THSD7B: variants seen among roughly 807,000 people sequenced by gnomAD.
THSD7B encodes thrombospondin type-1 domain-containing protein 7B.
A neutral mutation model predicts 213.6 loss-of-function variants in THSD7B; 138 were observed. The ratio of observed to expected loss-of-function variants is 0.65; its 90% confidence interval spans 0.56 to 0.74. The LOEUF (loss-of-function observed/expected upper bound fraction) is 0.74, where lower values mean the gene tolerates loss of function less well. THSD7B is among the 30% of genes least tolerant of loss of function. THSD7B has a pLI of 0.00. For synonymous variants in THSD7B, 742 were observed against 687.0 expected (o/e 1.08, Z -1.25); for missense variants, 1,931 against 1,991.5 (o/e 0.97, Z 0.58).
In THSD7B at chr2:136,865,609, A is replaced by G. The variant is rs1469326857; in HGVS notation, c.-35-16535A>G. Among the ~76,000 whole-genome samples the G allele has an allele frequency of 1.3e-5, 2 of 152,228 alleles. 1 individual carries two copies. The highest frequency in any genetic ancestry group is 4.1e-4 in the South Asian group (2 of 4,834). On this transcript the variant is annotated intron_variant, in intron 1 of 27. Transcript: ENST00000409968. ...TCTATGTTTTAACATTAACTTCAACATTCATTTCTTCTTGTCCATGTGAGT... is the reference window on the plus strand; with the variant it reads ...TCTATGTTTTAACATTAACTTCAACGTTCATTTCTTCTTGTCCATGTGAGT...
At chr2:137,290,600 A>AT (rs758040052) in intron 12 of THSD7B, among the ~76,000 whole-genome samples, 1 of 151,986 alleles carries the variant, frequency 6.6e-6, no homozygotes, top group East Asian at 1.9e-4. Flanking sequence ...TCTGCCCAGG[A>AT]TTTAAGCTCT....
chr2:137,092,339 G>A (rs761764068), intron 3 of THSD7B, among the ~76,000 whole-genome samples: 1 of 151,988 alleles, frequency 6.6e-6, no homozygotes, highest in African/African-American at 2.4e-5. Flanking sequence ...CCTGGGCCTG[G>A]GGAGGTTGAG....
intron 2 of THSD7B, among the ~76,000 whole-genome samples, chr2:137,007,038 A>G (rs972612610): frequency 2.0e-5 from 3 of 152,318 alleles, no homozygotes; most frequent in African/African-American, 7.2e-5. Flanking sequence ...AAGCAAATTA[A>G]TATTAGGGTC....
At chr2:137,599,826 G>A (rs1004656422) in intron 17 of THSD7B, among the ~76,000 whole-genome samples, 6 of 152,088 alleles carry the variant, frequency 3.9e-5, no homozygotes, top group Non-Finnish European at 7.4e-5. Flanking sequence ...ATAACTAAAC[G>A]AGAGGGAATC....
chr2:137,578,029 T>A (rs1681499252), intron 17 of THSD7B, among the ~76,000 whole-genome samples: 1 of 152,162 alleles, frequency 6.6e-6, no homozygotes, highest in Non-Finnish European at 1.5e-5. Flanking sequence ...AAGGGCAAAA[T>A]ATATAAACCA....
intron 2 of THSD7B, among the ~76,000 whole-genome samples, chr2:137,026,343 A>G (rs1686555312): frequency 1.3e-5 from 2 of 152,174 alleles, no homozygotes; most frequent in Non-Finnish European, 2.9e-5. Context: ...TTGCCCTCTC[A>G]GAAGATCTGT....
At chr2:137,313,602 C>T (rs1040279135) in intron 12 of THSD7B, among the ~76,000 whole-genome samples, 29 of 151,200 alleles carry the variant, frequency 1.9e-4, no homozygotes, top group Admixed American at 7.3e-4. Context: ...TTCCTAGTCT[C>T]GATGGTCTTT....
intron 4 of THSD7B, 126 bp downstream of exon 4, chr2:137,095,247 A>G (rs1360525778): frequency 7.5e-7 from 1 of 1,330,732 alleles, no homozygotes; most frequent in East Asian, 2.5e-5. Flanking sequence ...CAAGTTCCAT[A>G]CTTGGCAGCA....
At chr2:137,281,579 G>A (rs1034538508) in intron 12 of THSD7B, among the ~76,000 whole-genome samples, 1 of 147,308 alleles carries the variant, frequency 6.8e-6, no homozygotes, top group African/African-American at 2.5e-5. Context: ...GCAGTCCCCG[G>A]TATGTGATGT....
chr2:136,928,847 AAG>A (rs1456099855), intron 2 of THSD7B, among the ~76,000 whole-genome samples: 1 of 152,180 alleles, frequency 6.6e-6, no homozygotes, highest in Admixed American at 6.6e-5. Context: ...TATATGCAAA[AAG>A]GAATAAAAGC....
intron 1 of THSD7B, among the ~76,000 whole-genome samples, chr2:136,853,992 G>A (rs943713664): frequency 2.6e-5 from 4 of 152,130 alleles, no homozygotes; most frequent in Admixed American, 2.6e-4. Flanking sequence ...CAATCTTTGA[G>A]TGTTTTCTTA....
intron 2 of THSD7B, among the ~76,000 whole-genome samples, chr2:136,926,013 A>G (rs1171604032): frequency 6.6e-6 from 1 of 152,186 alleles, no homozygotes; most frequent in East Asian, 1.9e-4. Context: ...GAATATTGAA[A>G]GTTTCTTCCA....
At chr2:137,183,024 AACTT>A (rs1219825000) in intron 7 of THSD7B, among the ~76,000 whole-genome samples, 1 of 152,158 alleles carries the variant, frequency 6.6e-6, no homozygotes, top group Non-Finnish European at 1.5e-5. Context: ...TGTGTAAAAA[AACTT>A]ACTTAAATAC....
chr2:137,046,730 CAAAAA>C (rs59928985), intron 2 of THSD7B, among the ~76,000 whole-genome samples: 154 of 44,330 alleles, frequency 3.5e-3, no homozygotes, highest in African/African-American at 0.013. Context: ...AACTCCGTCT[CAAAAA>C]AAAAAAAAAA....
At position 137,660,650 on chromosome 2, in the gene THSD7B, T is replaced by A. The variant is rs753244139; in HGVS notation, c.4458+904T>A. On this transcript the variant is annotated intron_variant, in intron 25 of 27. Transcript: ENST00000409968. ...TCCTCTTTAATTAAACAGAAAATAC[T>A]TTTTTCCTTGAACTCTTGAACATAT... 6.3e-4 allele frequency among the ~76,000 whole-genome samples: 96 copies of A among 152,178 alleles called. 4 individuals are homozygous for A. The highest frequency in any genetic ancestry group is 2.2e-4 in the Non-Finnish European group (15 of 68,028).
chr2:137,562,938 A>T (rs1219060379), intron 15 of THSD7B, among the ~76,000 whole-genome samples: 1 of 152,168 alleles, frequency 6.6e-6, no homozygotes, highest in East Asian at 1.9e-4. Flanking sequence ...AAATGAAATG[A>T]TAATGGAATT....
intron 23 of THSD7B, 34 bp from the exon 24 acceptor site, chr2:137,657,031 G>A: frequency 1.2e-6 from 2 of 1,613,170 alleles, no homozygotes; most frequent in South Asian, 1.1e-5. Context: ...TAAGTGAGGT[G>A]TAATAGAACT....
intron 9 of THSD7B, among the ~76,000 whole-genome samples, chr2:137,235,555 T>C (rs541959441): frequency 1.3e-4 from 20 of 152,316 alleles, no homozygotes; most frequent in Middle Eastern, 3.4e-3. Context: ...TCAGCATCTA[T>C]TTCTTCTTGT....
chr2:136,971,166 C>T (rs1685397796), intron 2 of THSD7B, among the ~76,000 whole-genome samples: 1 of 152,098 alleles, frequency 6.6e-6, no homozygotes, highest in African/African-American at 2.4e-5. Context: ...GGTTATAGAA[C>T]TGTAAATGTG....
Sources: gnomAD v4.1 joint callset for allele counts (sites outside exome capture counted in the v4.1 genomes callset) on GRCh38, gnomAD v4.1.1 for gene constraint, MANE v1.5 for transcripts, NCBI Gene and HGNC (gene_info 2026-07-23, HGNC 2026-07-21) for gene names.